Variants in SLC4A5 observed in about 807,000 individuals in gnomAD.
SLC4A5 encodes electrogenic sodium bicarbonate cotransporter 4.
In SLC4A5, 96 loss-of-function variants were observed where a neutral mutation model predicts 120.4. The observed-to-expected ratio is 0.80, with a 90% CI of 0.68 to 0.94. SLC4A5 has a LOEUF of 0.94. SLC4A5 is among the 40% of genes least tolerant of loss of function. The pLI, the probability that SLC4A5 is intolerant of heterozygous loss-of-function variation, is 0.00. For synonymous variants in SLC4A5, 550 were observed against 571.1 expected, an observed-to-expected ratio of 0.96 and a Z score of 0.53; for missense variants, 1,259 against 1,459.5, an observed-to-expected ratio of 0.86 and a Z score of 2.24.
At chr2:74,273,225 G>C (rs1671532408) in intron 8 of SLC4A5, among the ~76,000 whole-genome samples, 2 of 152,186 alleles carry the variant, frequency 1.3e-5, no homozygotes, top group African/African-American at 4.8e-5. Flanking sequence ...TAAACATTGT[G>C]ATTGAAGAGA....
intron 6 of SLC4A5, chr2:74,307,184 G>A (rs2104269607): frequency 3.6e-6 from 2 of 554,430 alleles, no homozygotes; most frequent in Admixed American, 2.3e-5. Context: ...CCACTGTGGT[G>A]CTCTCCTCCA....
At chr2:74,297,426 C>T (rs1672363243) in intron 7 of SLC4A5, among the ~76,000 whole-genome samples, 2 of 152,190 alleles carry the variant, frequency 1.3e-5, no homozygotes, top group Non-Finnish European at 2.9e-5. Context: ...CAGTCCTGGG[C>T]AGACTGAAAC....
At chr2:74,248,143 T>C (rs1670675799) in intron 18 of SLC4A5, among the ~76,000 whole-genome samples, 1 of 152,186 alleles carries the variant, frequency 6.6e-6, no homozygotes, top group African/African-American at 2.4e-5. Flanking sequence ...GGCTGGTCCC[T>C]ATGGGCTGTG....
intron 12 of SLC4A5, among the ~76,000 whole-genome samples, chr2:74,256,625 G>A (rs1558881370): frequency 6.6e-6 from 1 of 152,228 alleles, no homozygotes; most frequent in Non-Finnish European, 1.5e-5. Context: ...GGGGTCTGAT[G>A]TGAGAGGTAC....
chr2:74,285,694 A>T, intron 8 of SLC4A5, 79 bp downstream of exon 8: 1 of 1,554,760 alleles, frequency 6.4e-7, no homozygotes, highest in Non-Finnish European at 8.7e-7. Context: ...ACAAGGTGCC[A>T]CTTCCCACCA....
At position 74,227,112 on chromosome 2, in the gene SLC4A5, G is replaced by T; in HGVS notation, c.2935C>A (p.Leu979Ile). The stretch of plus-strand genomic sequence containing the variant: ...TGGTGCTTGGCTGGCATCAGGAAGA[G>T]CTTGCAGCGTTCCCAGAACTAGGGG... Residue 979 changes from leucine to isoleucine, a missense_variant, in exon 27 of 31, where the codon CTC (leucine) becomes ATC (isoleucine). Leu to Ile is a conservative substitution (Grantham distance 5). Transcript: ENST00000394019. 2 of 1,613,034 alleles carry T rather than the reference G, an allele frequency of 1.2e-6. No homozygotes were observed. The highest frequency in any genetic ancestry group is 1.7e-6 in the Non-Finnish European group (2 of 1,179,532).
chr2:74,307,903 A>G, intron 6 of SLC4A5: 2 of 493,482 alleles, frequency 4.1e-6, no homozygotes, highest in South Asian at 3.3e-5. Flanking sequence ...GCACCTGCAT[A>G]GACACTGGCC....
intron 8 of SLC4A5, among the ~76,000 whole-genome samples, chr2:74,274,931 C>A (rs913824725): frequency 3.9e-5 from 6 of 152,294 alleles, no homozygotes; most frequent in African/African-American, 1.2e-4. Context: ...TTAGGATGAT[C>A]TTTCATCTCT....
chr2:74,221,097 C>G (rs1440559330), intron 30 of SLC4A5, among the ~76,000 whole-genome samples: 1 of 152,156 alleles, frequency 6.6e-6, no homozygotes, highest in Non-Finnish European at 1.5e-5. Flanking sequence ...CCCGCCTTGG[C>G]CTCCGAAAGT....
At chr2:74,306,446 T>C (rs962022544) in intron 6 of SLC4A5, among the ~76,000 whole-genome samples, 2 of 152,214 alleles carry the variant, frequency 1.3e-5, no homozygotes, top group African/African-American at 4.8e-5. Flanking sequence ...AGAGAGCGCT[T>C]CTGACCCAAA....
At chr2:74,226,891 C>T (rs1694857964) in intron 27 of SLC4A5, 66 bp downstream of exon 27, 20 of 1,547,326 alleles carry the variant, frequency 1.3e-5, no homozygotes, top group Admixed American at 5.3e-5. Flanking sequence ...GGGGAGGTTG[C>T]GCTGCACCTC....
At chr2:74,240,662 G>A (rs1473264071) in intron 20 of SLC4A5, among the ~76,000 whole-genome samples, 1 of 151,772 alleles carries the variant, frequency 6.6e-6, no homozygotes, top group Non-Finnish European at 1.5e-5. Context: ...CCAGCTACTC[G>A]AGAGGCTGAG....
At chr2:74,228,455 C>T (rs1694925239) in intron 25 of SLC4A5, among the ~76,000 whole-genome samples, 1 of 152,136 alleles carries the variant, frequency 6.6e-6, no homozygotes, top group Non-Finnish European at 1.5e-5. Context: ...TGGTGAAACC[C>T]CGTCTCTACT....
intron 8 of SLC4A5, among the ~76,000 whole-genome samples, chr2:74,285,348 G>A (rs1671947834): frequency 6.6e-6 from 1 of 152,114 alleles, no homozygotes; most frequent in Non-Finnish European, 1.5e-5. Flanking sequence ...CAACCAAATG[G>A]GGTCAAAAAT....
At chr2:74,247,215 A>C in exon 19 of SLC4A5, 1 of 1,614,154 alleles carries the variant, frequency 6.2e-7, no homozygotes, top group Middle Eastern at 1.6e-4. Flanking sequence ...TTTGATGATA[A>C]AGCTGGCATC....
At chr2:74,317,599 G>A (rs1213118299) in intron 5 of SLC4A5, among the ~76,000 whole-genome samples, 2 of 152,198 alleles carry the variant, frequency 1.3e-5, no homozygotes, top group East Asian at 3.8e-4. Context: ...ATATGGAGGG[G>A]CCCTGTAGGA....
chr2:74,304,446 C>T, intron 7 of SLC4A5, 43 bp downstream of exon 7: 1 of 1,562,996 alleles, frequency 6.4e-7, no homozygotes, highest in Non-Finnish European at 8.7e-7. Flanking sequence ...TCTGGACACA[C>T]CAGCAGGATG....
At chr2:74,303,016 CTGTGTGTG>C (rs10601390) in intron 7 of SLC4A5, among the ~76,000 whole-genome samples, 1 of 144,966 alleles carries the variant, frequency 6.9e-6, no homozygotes, top group African/African-American at 2.5e-5. Context: ...CTGAGCAGGA[CTGTGTGTG>C]TGTGTGTGTG....
intron 8 of SLC4A5, among the ~76,000 whole-genome samples, chr2:74,283,411 A>G (rs1671875537): frequency 1.3e-5 from 2 of 152,256 alleles, no homozygotes; most frequent in South Asian, 4.1e-4. Flanking sequence ...AAGAGATTCA[A>G]TGGCTTCCAC....
Sources: allele counts gnomAD v4.1 joint callset (sites outside exome capture counted in the v4.1 genomes callset), GRCh38; gene constraint gnomAD v4.1.1; transcripts MANE v1.5; gene names NCBI Gene and HGNC (gene_info 2026-07-23, HGNC 2026-07-21).